DUS3L: variants seen among roughly 807,000 people sequenced by gnomAD.
DUS3L encodes tRNA-dihydrouridine(47) synthase [NAD(P)(+)]-like.
A neutral mutation model predicts 74.6 loss-of-function variants in DUS3L; 62 were observed. The observed-to-expected ratio is 0.83, with a 90% CI of 0.68 to 1.03. The LOEUF (loss-of-function observed/expected upper bound fraction) is 1.03, where lower values mean the gene tolerates loss of function less well. Ranked by LOEUF, DUS3L falls within the 50% of genes least tolerant of loss-of-function variation. The probability of loss-of-function intolerance (pLI) is 0.00; values close to 1 mark genes in which losing one functional copy is unlikely to be tolerated. For synonymous variants in DUS3L, 433 were observed against 395.7 expected, an observed-to-expected ratio of 1.09 and a Z score of -1.12; for missense variants, 884 against 924.4, an observed-to-expected ratio of 0.96 and a Z score of 0.57.
chr19:5,785,580 C>T (rs984883342), intron 11 of DUS3L, 23 bp downstream of exon 11: 15 of 1,588,206 alleles, frequency 9.4e-6, no homozygotes, highest in Non-Finnish European at 1.2e-5. Flanking sequence ...GCGCCGCCCA[C>T]CCCAGCCAGC....
Position 5,790,317 on chromosome 19 carries a change from C to G in DUS3L, c.117G>C (p.Glu39Asp). The G allele has an allele frequency of 6.2e-7, 1 of 1,614,112 alleles. No homozygotes were observed. The highest frequency in any genetic ancestry group is 8.5e-7 in the Non-Finnish European group (1 of 1,180,018). ...TGGCTTCCAGGAATTGGTGAAACTGCTCCTTGGTGGTGAGGTATCTGCCGA... is the reference window on the plus strand; with the variant it reads ...TGGCTTCCAGGAATTGGTGAAACTGGTCCTTGGTGGTGAGGTATCTGCCGA... ...PIKRQYLTTK[E>D]QFHQFLEAKG... Residue 39 changes from glutamate (E) to aspartate (D), a missense_variant, in exon 2 of 13, where the codon GAG (glutamate) becomes GAC (aspartate). Physicochemically the swap from Glu to Asp is conservative, Grantham distance 45. Coordinates refer to ENST00000309061, the MANE Select transcript of DUS3L (RefSeq NM_020175.3).
In DUS3L at chr19:5,790,174, G is replaced by A. The variant is rs1196203225; in HGVS notation, c.260C>T (p.Thr87Met). Reference protein sequence around the residue: ...LEDGQTADGQTEEAAEPGEQL... With the variant: ...LEDGQTADGQMEEAAEPGEQL... ...CTCCCCGGGCTCTGCTGCCTCCTCCGTCTGCCCGTCCGCCGTCTGTCCATC... is the reference window on the plus strand; with the variant it reads ...CTCCCCGGGCTCTGCTGCCTCCTCCATCTGCCCGTCCGCCGTCTGTCCATC... Residue 87 changes from threonine to methionine, a missense_variant, in exon 2 of 13, where the codon ACG becomes ATG. Physicochemically the swap from Thr to Met is moderately conservative, Grantham distance 81. Coordinates refer to ENST00000309061, the MANE Select transcript of DUS3L (RefSeq NM_020175.3). 3 of 1,614,036 alleles carry A rather than the reference G, an allele frequency of 1.9e-6. No homozygotes were observed. Among genetic ancestry groups the A allele is most frequent in the Middle Eastern group, 1.6e-4 (1 of 6,062 alleles).
In DUS3L at chr19:5,785,413, C is replaced by T; in HGVS notation, c.1850G>A (p.Ser617Asn). ...GCGGATCCAGTCGGCTGCCTTCTGG[C>T]TGGCCATCAGCGTCTCCAGGTAGTC... The part of the protein sequence containing the change: ...GRDYLETLMA[S>N]QKAADWIRIS... Residue 617 changes from serine to asparagine, a missense_variant, in exon 12 of 13, where the codon AGC becomes AAC. Transcript: ENST00000309061. The T allele has an allele frequency of 6.3e-7, 1 of 1,595,114 alleles. No homozygotes were observed. Among genetic ancestry groups the T allele is most frequent in the Non-Finnish European group, 8.5e-7 (1 of 1,170,362 alleles).
At chr19:5,790,954 C>T (rs2056904503) in intron 1 of DUS3L, 90 bp downstream of exon 1, 1 of 1,307,690 alleles carries the variant, frequency 7.6e-7, no homozygotes, top group Non-Finnish European at 1.1e-6. Context: ...CGCCCTCAGC[C>T]GCTGCCTAAT....
chr19:5,789,436 C>A lies in DUS3L; in HGVS notation c.671G>T (p.Arg224Leu). Residue 224 changes from arginine (R) to leucine (L), a missense_variant, in exon 3 of 13, where the codon CGC becomes CTC. Coordinates refer to ENST00000309061, the MANE Select transcript of DUS3L (RefSeq NM_020175.3). ...LQQQLRKREV[R>L]FERAEQALRR... ...CAGGGCCTGCTCAGCTCGCTCGAAGCGGACCTCGCGCTTCCGCAGCTGCTG... is the reference window on the plus strand; with the variant it reads ...CAGGGCCTGCTCAGCTCGCTCGAAGAGGACCTCGCGCTTCCGCAGCTGCTG... 1 of 1,599,130 alleles carries A rather than the reference C, an allele frequency of 6.3e-7. No homozygotes were observed. Among genetic ancestry groups the A allele is most frequent in the Non-Finnish European group, 8.5e-7 (1 of 1,177,432 alleles).
rs928426447 is a variant in DUS3L, at chr19:5,788,193, A to T, written c.943-17T>A. The T allele has an allele frequency of 1.2e-6, 2 of 1,612,920 alleles. No homozygotes were observed. The highest frequency in any genetic ancestry group is 1.7e-6 in the Non-Finnish European group (2 of 1,179,952). Reference sequence around the variant, plus strand: ...GTTCCCACACTGCGGGGGGAGCAGGACAGACACACATGCTCTTGCACGCGC... The same window carrying T: ...GTTCCCACACTGCGGGGGGAGCAGGTCAGACACACATGCTCTTGCACGCGC... On this transcript the variant is annotated splice_polypyrimidine_tract_variant and intron_variant, in intron 4 of 12. Transcript: ENST00000309061.
Position 5,787,342 on chromosome 19 carries a change from A to G in DUS3L, c.1232T>C (p.Met411Thr). 1 of 1,561,604 alleles carries G rather than the reference A, an allele frequency of 6.4e-7. No homozygotes were observed. The highest frequency in any genetic ancestry group is 8.7e-7 in the Non-Finnish European group (1 of 1,155,982). ...VYKKGGGCALMNRSTKFQQIV... is the reference protein window; with the variant it reads ...VYKKGGGCALTNRSTKFQQIV... ...CTGCTGGAACTTGGTGGAGCGATTC[A>G]TGAGGGCACAGCCCCCACCCTGGAA... is the stretch of plus-strand genomic sequence containing the variant. The change falls in exon 7 of 13, where the codon ATG (methionine) becomes ACG (threonine). Residue 411 changes from methionine (M) to threonine (T), a missense_variant. Physicochemically the swap from Met to Thr is moderately conservative, Grantham distance 81. Transcript: ENST00000309061.
chr19:5,787,202 A>ACGGTGGGATG (rs1300479628), intron 7 of DUS3L, 31 bp from the exon 8 acceptor site: 1 of 756,468 alleles, frequency 1.3e-6, no homozygotes. Flanking sequence ...GTGGTGGGAG[A>ACGGTGGGATG]TGGTGGGAGG....
At position 5,785,635 on chromosome 19, in the gene DUS3L, G is replaced by C; in HGVS notation, c.1719C>G (p.Arg573=). Reference sequence around the variant, plus strand: ...GGAAGGACAGCCACTCGAGCAGAAAGCGCCGGGTCTTCTCCACGCCCTGCG... The same window carrying C: ...GGAAGGACAGCCACTCGAGCAGAAACCGCCGGGTCTTCTCCACGCCCTGCG... ...SDTQGVEKTR[R]FLLEWLSFLC... is the part of the protein sequence containing the mutation. Residue 573 remains arginine, a synonymous_variant, in exon 11 of 13, where the codon CGC becomes CGG. Coordinates refer to ENST00000309061, the MANE Select transcript of DUS3L (RefSeq NM_020175.3). 6.2e-7 allele frequency: 1 copy of C among 1,611,058 alleles called. No individual in the cohort carries two copies. The highest frequency in any genetic ancestry group is 2.2e-5 in the East Asian group (1 of 44,850).
chr19:5,786,298 T>C (rs1433102365), intron 10 of DUS3L, among the ~76,000 whole-genome samples, 169 bp downstream of exon 10: 1 of 152,112 alleles, frequency 6.6e-6, no homozygotes, highest in Non-Finnish European at 1.5e-5. Context: ...GCAGCAGCAA[T>C]TTCCAGTCCC....
rs369360790 is a variant in DUS3L at position 5,791,159 on chromosome 19, G to C, written c.-18C>G. 5 of 1,585,712 alleles carry C rather than the reference G, an allele frequency of 3.2e-6. No individual in the cohort carries two copies. Among genetic ancestry groups the C allele is most frequent in the Non-Finnish European group, 4.3e-6 (5 of 1,165,822 alleles). ...TCCGCCATCGGCGCCCCTCACATCCGCTCTGGAGTGTGGCGGGAAGACCTT... is the reference window on the plus strand; with the variant it reads ...TCCGCCATCGGCGCCCCTCACATCCCCTCTGGAGTGTGGCGGGAAGACCTT... On this transcript the variant is annotated 5_prime_UTR_variant, in exon 1 of 13. Coordinates refer to ENST00000309061, the MANE Select transcript of DUS3L (RefSeq NM_020175.3).
Position 5,787,349 on chromosome 19 carries a change from C to A in DUS3L, c.1225G>T (p.Ala409Ser), listed in dbSNP as rs756142988. The A allele has an allele frequency of 1.3e-6, 2 of 1,598,202 alleles. No individual in the cohort carries two copies. Among genetic ancestry groups the A allele is most frequent in the South Asian group, 2.2e-5 (2 of 90,572 alleles). ...AACTTGGTGGAGCGATTCATGAGGG[C>A]ACAGCCCCCACCCTGGAAGAGACAG... ...DLVYKKGGGC[A>S]LMNRSTKFQQ... is the part of the protein sequence containing the mutation. Residue 409 changes from alanine (A) to serine (S), a missense_variant, in exon 7 of 13, where the codon GCC (alanine) becomes TCC (serine). Physicochemically the swap from Ala to Ser is moderately conservative, Grantham distance 99. Coordinates refer to ENST00000309061, the MANE Select transcript of DUS3L (RefSeq NM_020175.3).
intron 10 of DUS3L, 163 bp from the exon 11 acceptor site, chr19:5,785,954 CTTTT>C (rs896717069): frequency 2.6e-6 from 2 of 767,342 alleles, no homozygotes; most frequent in African/African-American, 3.6e-5. Flanking sequence ...ACAGGACTTT[CTTTT>C]GTTTTTTCTG....
At chr19:5,785,899 C>T (rs2056837165) in intron 10 of DUS3L, 108 bp from the exon 11 acceptor site, 5 of 1,266,766 alleles carry the variant, frequency 3.9e-6, no homozygotes, top group Non-Finnish European at 5.3e-6. Flanking sequence ...ACAAAACCTA[C>T]AAGCCTAGTA....
Position 5,788,056 on chromosome 19 carries a change from G to GT in DUS3L, c.1062dup (p.Arg355ThrfsTer5). The GT allele has an allele frequency of 6.2e-7, 1 of 1,613,636 alleles. No homozygotes were observed. Among genetic ancestry groups the GT allele is most frequent in the Non-Finnish European group, 8.5e-7 (1 of 1,180,014 alleles). On this transcript the variant is annotated frameshift_variant, in exon 5 of 13. Transcript: ENST00000309061. LOFTEE classifies it high-confidence loss of function. ...CCAAAGATGTCCTCACACTGGTGGC[G>GT]TTTGAGTAGGGCCCACTCGGACATC... is the stretch of plus-strand genomic sequence containing the variant.
In DUS3L at chr19:5,790,305, T is replaced by C; in HGVS notation, c.129A>G (p.Gln43=). The C allele has an allele frequency of 6.2e-7, 1 of 1,614,070 alleles. No homozygotes were observed. The stretch of plus-strand genomic sequence containing the variant: ...TCTCCTGCCCTTTGGCTTCCAGGAA[T>C]TGGTGAAACTGCTCCTTGGTGGTGA... ...QYLTTKEQFH[Q]FLEAKGQEKT... The change falls in exon 2 of 13, where the codon CAA becomes CAG. Residue 43 remains glutamine (Q), a synonymous_variant. Transcript: ENST00000309061.
chr19:5,787,272 G>A (rs1219723650), intron 7 of DUS3L, 24 bp downstream of exon 7: 2 of 989,752 alleles, frequency 2.0e-6, no homozygotes, highest in South Asian at 2.2e-5. Context: ...TTGGGAGCCA[G>A]TGCGAGGATG....
chr19:5,790,000 C>G, intron 2 of DUS3L, 47 bp downstream of exon 2: 2 of 1,602,324 alleles, frequency 1.2e-6, no homozygotes, highest in Non-Finnish European at 1.7e-6. Context: ...GGAAACACAC[C>G]CTGCTCCTGC....
At position 5,785,150 on chromosome 19, in the gene DUS3L, A is replaced by G; in HGVS notation, c.*53T>C. On this transcript the variant is annotated 3_prime_UTR_variant, in exon 13 of 13. Transcript: ENST00000309061. ...ACAGAAAGGCCTGGATTTTAAAAGA[A>G]TAAAATTTATTGTACTCTCCTCGCC... 6.5e-7 allele frequency: 1 copy of G among 1,543,906 alleles called. No homozygotes were observed. Among genetic ancestry groups the G allele is most frequent in the Non-Finnish European group, 8.8e-7 (1 of 1,140,768 alleles).
Sources: allele counts gnomAD v4.1 joint callset (sites outside exome capture counted in the v4.1 genomes callset), GRCh38; gene constraint gnomAD v4.1.1; transcripts MANE v1.5; gene names NCBI Gene and HGNC (gene_info 2026-07-23, HGNC 2026-07-21).